Variants in TAS2R1 observed in about 807,000 individuals in gnomAD.
TAS2R1 encodes taste receptor type 2 member 1.
For synonymous variants in TAS2R1, 141 were observed against 134.2 expected (o/e 1.05, Z -0.35); for missense variants, 370 against 353.4 (o/e 1.05, Z -0.38).
At chr5:9,779,121 T>G in the TAS2R1 span, among the ~76,000 whole-genome samples, 1 of 152,218 alleles carries the variant, frequency 6.6e-6, no homozygotes, top group African/African-American at 2.4e-5. Context: ...AATGGCTTGG[T>G]GCCGTCCTCG....
chr5:9,834,962 T>C, the TAS2R1 span, among the ~76,000 whole-genome samples: 4 of 152,212 alleles, frequency 2.6e-5, no homozygotes, highest in African/African-American at 9.7e-5. Flanking sequence ...AAGCATTTAA[T>C]ATTTAATCGT....
intron 2 of TAS2R1, among the ~76,000 whole-genome samples, chr5:9,638,478 A>G (rs1740009557): frequency 6.6e-6 from 1 of 152,116 alleles, no homozygotes; most frequent in Non-Finnish European, 1.5e-5. Flanking sequence ...CAGGCAGTGG[A>G]ATTAGGTGTT....
the TAS2R1 span, among the ~76,000 whole-genome samples, chr5:9,803,534 A>G: frequency 6.6e-6 from 1 of 152,262 alleles, no homozygotes; most frequent in African/African-American, 2.4e-5. Context: ...TCAGATTAAC[A>G]GCAGACTTCT....
rs952771520 is a variant in TAS2R1 at position 9,628,047 on chromosome 5, T to G, written c.*1086A>C. On this transcript the variant is annotated 3_prime_UTR_variant, in exon 1 of 1. Coordinates refer to ENST00000382492, the MANE Select transcript of TAS2R1 (RefSeq NM_019599.3). ...AAGTTACCGCTGAGCTTAAGAACAT[T>G]TTTTACTTCATTTACTTGTCTGGAA... Among the ~76,000 whole-genome samples the G allele has an allele frequency of 2.0e-5, 3 of 152,170 alleles. No homozygotes were observed. Among genetic ancestry groups the G allele is most frequent in the African/African-American group, 7.2e-5 (3 of 41,438 alleles).
At chr5:9,812,609 A>G in the TAS2R1 span, among the ~76,000 whole-genome samples, 19 of 152,292 alleles carry the variant, frequency 1.2e-4, no homozygotes, top group East Asian at 2.5e-3. Context: ...CCTAGAGGTT[A>G]CCTGCTGCTC....
chr5:9,846,681 T>C, the TAS2R1 span, among the ~76,000 whole-genome samples: 1 of 132,028 alleles, frequency 7.6e-6, no homozygotes, highest in Non-Finnish European at 1.7e-5. Context: ...CACACACACA[T>C]TGCACACACA....
At chr5:9,670,561 T>C (rs1241465673) in intron 1 of TAS2R1, among the ~76,000 whole-genome samples, 1 of 152,222 alleles carries the variant, frequency 6.6e-6, no homozygotes, top group African/African-American at 2.4e-5. Flanking sequence ...GCCCACTTCA[T>C]GAATCATTCT....
the TAS2R1 span, among the ~76,000 whole-genome samples, chr5:9,774,518 G>A: frequency 4.6e-5 from 7 of 152,334 alleles, no homozygotes; most frequent in Admixed American, 1.3e-4. Flanking sequence ...TCAAGAGCTT[G>A]GCATTTATTG....
At chr5:9,783,963 C>T in the TAS2R1 span, among the ~76,000 whole-genome samples, 3,486 of 152,270 alleles carry the variant, frequency 0.023, 136 homozygotes, top group African/African-American at 0.08. Flanking sequence ...TGCATCTCTT[C>T]CTGGCTGTAT....
Position 9,664,887 on chromosome 5 carries a change from T to C in TAS2R1, c.-241-5306A>G, listed in dbSNP as rs137989360. On this transcript the variant is annotated intron_variant, in intron 1 of 2. Transcript: ENST00000506620. ...TTCAGGGAACACACCTACCATTAGA[T>C]ACTCTTTACAAATGAGGAAACAAAC... Among the ~76,000 whole-genome samples, 286 of 152,358 alleles carry C rather than the reference T, an allele frequency of 1.9e-3. 1 individual carries two copies. The highest frequency in any genetic ancestry group is 6.5e-3 in the African/African-American group (272 of 41,574).
chr5:9,722,042 A>ATCTC, the TAS2R1 span, among the ~76,000 whole-genome samples: 2 of 151,808 alleles, frequency 1.3e-5, no homozygotes, highest in Non-Finnish European at 2.9e-5. Flanking sequence ...TTCCTTATTA[A>ATCTC]TCTCTCTCTC....
At chr5:9,633,888 C>G (rs769816370), upstream of TAS2R1, among the ~76,000 whole-genome samples, 3 of 151,886 alleles carry the variant, frequency 2.0e-5, no homozygotes, top group Non-Finnish European at 2.9e-5. Flanking sequence ...TTCTCCTATT[C>G]TGTGGGTCAT....
At chr5:9,868,078 C>A in the TAS2R1 span, among the ~76,000 whole-genome samples, 1,514 of 152,318 alleles carry the variant, frequency 9.9e-3, 26 homozygotes, top group African/African-American at 0.034. Flanking sequence ...CTACTGGCTG[C>A]TTTCACAGGC....
chr5:9,850,070 ATG>A, the TAS2R1 span, among the ~76,000 whole-genome samples: 1 of 152,174 alleles, frequency 6.6e-6, no homozygotes, highest in Non-Finnish European at 1.5e-5. Flanking sequence ...TCAACTATGC[ATG>A]GTCTATTCCA....
At chr5:9,815,618 G>T in the TAS2R1 span, among the ~76,000 whole-genome samples, 1 of 151,714 alleles carries the variant, frequency 6.6e-6, no homozygotes, top group Admixed American at 6.6e-5. Flanking sequence ...GATAGCAGGG[G>T]ATCCACAGCA....
intron 1 of TAS2R1, among the ~76,000 whole-genome samples, chr5:9,679,083 T>C (rs1740943849): frequency 1.3e-5 from 2 of 152,234 alleles, no homozygotes; most frequent in Admixed American, 6.5e-5. Flanking sequence ...AAATGCCTAT[T>C]ACTAAGTGAA....
At chr5:9,824,089 G>A in the TAS2R1 span, among the ~76,000 whole-genome samples, 1 of 152,164 alleles carries the variant, frequency 6.6e-6, no homozygotes, top group African/African-American at 2.4e-5. Flanking sequence ...GTAGGGCACA[G>A]GCACTGCCAA....
At chr5:9,806,323 C>A in the TAS2R1 span, among the ~76,000 whole-genome samples, 1 of 152,074 alleles carries the variant, frequency 6.6e-6, no homozygotes, top group African/African-American at 2.4e-5. Context: ...ACCATACAGC[C>A]AAAAGCAATC....
chr5:9,678,835 A>G (rs1740935396), intron 1 of TAS2R1, among the ~76,000 whole-genome samples: 1 of 152,168 alleles, frequency 6.6e-6, no homozygotes, highest in Non-Finnish European at 1.5e-5. Flanking sequence ...TGCTGGGCTT[A>G]ATACCAAGGT....
Sources: gnomAD v4.1 joint callset for allele counts (sites outside exome capture counted in the v4.1 genomes callset) on GRCh38, gnomAD v4.1.1 for gene constraint, MANE v1.5 for transcripts, NCBI Gene and HGNC (gene_info 2026-07-23, HGNC 2026-07-21) for gene names.